Variants in SLIT3 observed in about 807,000 individuals in gnomAD.
SLIT3 encodes the protein slit homolog 3 protein.
SLIT3 carries 68 observed loss-of-function variants against 184.0 expected under a neutral mutation model. The observed-to-expected ratio is 0.37, with a 90% CI of 0.30 to 0.45. SLIT3 has a LOEUF of 0.45. Ranked by LOEUF, SLIT3 falls within the 20% of genes least tolerant of loss-of-function variation. The probability of loss-of-function intolerance (pLI) is 1.00; values close to 1 mark genes in which losing one functional copy is unlikely to be tolerated. For missense variants in SLIT3, 1,707 were observed against 2,026.0 expected, an observed-to-expected ratio of 0.84 and a Z score of 3.02; for synonymous variants, 831 against 828.6, an observed-to-expected ratio of 1.00 and a Z score of -0.05.
chr5:169,054,297 TG>T (rs1444427177), intron 4 of SLIT3, among the ~76,000 whole-genome samples: 1 of 149,364 alleles, frequency 6.7e-6, no homozygotes, highest in African/African-American at 2.5e-5. Context: ...CAAAGAATAC[TG>T]GGGGCGGGCT....
At chr5:168,689,387 C>A (rs1761842617) in intron 29 of SLIT3, among the ~76,000 whole-genome samples, 1 of 152,200 alleles carries the variant, frequency 6.6e-6, no homozygotes, top group Non-Finnish European at 1.5e-5. Context: ...GGGAGAGTAA[C>A]CGCATGCTGT....
intron 4 of SLIT3, among the ~76,000 whole-genome samples, chr5:169,033,939 A>G (rs937881961): frequency 6.6e-6 from 1 of 150,988 alleles, no homozygotes; most frequent in Non-Finnish European, 1.5e-5. Flanking sequence ...CAGCCTCCCG[A>G]GTAGCTGGGA....
chr5:169,147,141 G>T (rs558456370), intron 4 of SLIT3, among the ~76,000 whole-genome samples: 1 of 152,326 alleles, frequency 6.6e-6, no homozygotes, highest in South Asian at 2.1e-4. Flanking sequence ...GGCTATTTCT[G>T]AGGCTAGATA....
At chr5:168,987,696 C>T (rs1755182289) in intron 4 of SLIT3, among the ~76,000 whole-genome samples, 1 of 152,238 alleles carries the variant, frequency 6.6e-6, no homozygotes, top group Non-Finnish European at 1.5e-5. Flanking sequence ...GATTTAAACC[C>T]AGAGGCATTT....
chr5:168,894,613 A>C (rs1172532301), intron 4 of SLIT3, among the ~76,000 whole-genome samples: 2 of 152,190 alleles, frequency 1.3e-5, no homozygotes, highest in Non-Finnish European at 2.9e-5. Flanking sequence ...TGATGGGGAA[A>C]GGTTTAGTGA....
intron 1 of SLIT3, among the ~76,000 whole-genome samples, chr5:169,255,525 T>C (rs1220059645): frequency 2.6e-5 from 4 of 152,182 alleles, no homozygotes; most frequent in Non-Finnish European, 4.4e-5. Flanking sequence ...TTTGTATACC[T>C]ATACAGTTTG....
chr5:169,137,195 A>G (rs1761536572), intron 4 of SLIT3, among the ~76,000 whole-genome samples: 1 of 151,926 alleles, frequency 6.6e-6, no homozygotes, highest in African/African-American at 2.4e-5. Flanking sequence ...ACCTCGCCCA[A>G]CTCTACGGAT....
chr5:169,068,731 T>C (rs1391988089), intron 4 of SLIT3, among the ~76,000 whole-genome samples: 5 of 152,096 alleles, frequency 3.3e-5, no homozygotes, highest in Non-Finnish European at 7.4e-5. Flanking sequence ...GGCTCAAGCA[T>C]GCACTAAGCA....
intron 4 of SLIT3, among the ~76,000 whole-genome samples, chr5:169,156,323 A>C (rs1232536931): frequency 6.6e-6 from 1 of 152,214 alleles, no homozygotes; most frequent in East Asian, 1.9e-4. Context: ...CACAGTGTAC[A>C]TGCACACGTG....
intron 4 of SLIT3, among the ~76,000 whole-genome samples, chr5:169,063,511 C>A (rs1056539289): frequency 6.6e-6 from 1 of 152,222 alleles, no homozygotes; most frequent in African/African-American, 2.4e-5. Flanking sequence ...CTTTCTGACC[C>A]GCCTCGGGGG....
chr5:168,990,540 C>A (rs1755283937), intron 4 of SLIT3, among the ~76,000 whole-genome samples: 2 of 152,146 alleles, frequency 1.3e-5, no homozygotes, highest in African/African-American at 4.8e-5. Context: ...ATCTCCCTGC[C>A]CCAGCCCAGT....
chr5:168,936,486 G>C (rs988034045), intron 4 of SLIT3, among the ~76,000 whole-genome samples: 8 of 152,106 alleles, frequency 5.3e-5, no homozygotes, highest in Non-Finnish European at 2.9e-5. Context: ...ACCCGCCTAG[G>C]CCTCCCAAAG....
chr5:169,016,174 G>A (rs1425346025), intron 4 of SLIT3, among the ~76,000 whole-genome samples: 2 of 152,180 alleles, frequency 1.3e-5, no homozygotes, highest in Non-Finnish European at 2.9e-5. Flanking sequence ...TTCTCAGGCT[G>A]TGAGATAAAT....
intron 4 of SLIT3, among the ~76,000 whole-genome samples, chr5:168,971,089 T>A (rs1027916317): frequency 1.3e-5 from 2 of 152,210 alleles, no homozygotes; most frequent in Non-Finnish European, 2.9e-5. Context: ...AAGTTTCCCA[T>A]CTTGTGGAGT....
At chr5:169,162,757 G>A (rs1236138383) in intron 4 of SLIT3, among the ~76,000 whole-genome samples, 1 of 152,170 alleles carries the variant, frequency 6.6e-6, no homozygotes, top group East Asian at 1.9e-4. Flanking sequence ...TCAGGCTGCT[G>A]TAAGGATAAA....
chr5:168,977,147 T>C (rs1754791548), intron 4 of SLIT3, among the ~76,000 whole-genome samples: 2 of 152,044 alleles, frequency 1.3e-5, no homozygotes, highest in Admixed American at 1.3e-4. Context: ...ACCCAAAAGT[T>C]TAACTTCTGG....
rs1361552355 is a variant in SLIT3 at position 168,817,435 on chromosome 5, C to T, written c.658G>A (p.Asp220Asn). Reference protein sequence around the residue: ...LRLHSNHLYCDCHLAWLSDWL... With the variant: ...LRLHSNHLYCNCHLAWLSDWL... ...TCCGAGAGCCAGGCCAGGTGGCAGT[C>T]GCAGTACAGGTGGTTGGAGTGGAGG... is the stretch of plus-strand genomic sequence containing the variant. The change falls in exon 8 of 36, where the codon GAC becomes AAC. Residue 220 changes from aspartate to asparagine, a missense_variant. Around this residue, in one of 3 missense-constraint regions of SLIT3, gnomAD observed 1,307 missense variants for 1,511.6 expected, o/e 0.86. Transcript: ENST00000519560. 17 of 1,614,018 alleles carry T rather than the reference C, an allele frequency of 1.1e-5. No individual in the cohort carries two copies. Among genetic ancestry groups the T allele is most frequent in the Non-Finnish European group, 1.4e-5 (17 of 1,180,044 alleles).
chr5:168,854,588 T>A (rs1758790650), intron 5 of SLIT3, among the ~76,000 whole-genome samples: 1 of 152,338 alleles, frequency 6.6e-6, no homozygotes, highest in East Asian at 1.9e-4. Context: ...GACAGCATAG[T>A]GCTCTCTTGG....
intron 4 of SLIT3, among the ~76,000 whole-genome samples, chr5:169,000,830 C>A (rs1462207550): frequency 6.6e-6 from 1 of 152,208 alleles, no homozygotes; most frequent in Non-Finnish European, 1.5e-5. Context: ...ACCCGACAAC[C>A]TATTCTTGAA....
Sources: allele counts gnomAD v4.1 joint callset (sites outside exome capture counted in the v4.1 genomes callset), GRCh38; gene constraint gnomAD v4.1.1; regional missense constraint gnomAD v4.1.1; transcripts MANE v1.5; gene names NCBI Gene and HGNC (gene_info 2026-07-23, HGNC 2026-07-21).